FSIP1: variants seen among roughly 807,000 people sequenced by gnomAD.
FSIP1 encodes the protein fibrous sheath-interacting protein 1.
Under a neutral mutation model 60.9 loss-of-function variants are expected in FSIP1, and 65 were observed. That is an observed-to-expected ratio of 1.07 (90% CI 0.87 to 1.31). FSIP1 has a LOEUF of 1.31. Ranked by LOEUF, FSIP1 falls within the 40% of genes most tolerant of loss-of-function variation. The probability of loss-of-function intolerance (pLI) is 0.00; values close to 1 mark genes in which losing one functional copy is unlikely to be tolerated. For synonymous variants in FSIP1, 209 were observed against 221.2 expected, an observed-to-expected ratio of 0.94 and a Z score of 0.49; for missense variants, 675 against 665.5, an observed-to-expected ratio of 1.01 and a Z score of -0.16.
intron 10 of FSIP1, among the ~76,000 whole-genome samples, chr15:39,680,562 T>A (rs1399775828): frequency 6.6e-6 from 1 of 152,194 alleles, no homozygotes; most frequent in Admixed American, 6.5e-5. Flanking sequence ...TAGAATCTGA[T>A]TGAAATGGTC....
At chr15:39,692,041 T>C (rs1268273882) in intron 10 of FSIP1, among the ~76,000 whole-genome samples, 6 of 143,476 alleles carry the variant, frequency 4.2e-5, no homozygotes, top group African/African-American at 1.2e-4. Flanking sequence ...TGCAAAAGGA[T>C]TATTTTCTAC....
At chr15:39,763,171 A>G (rs1897564488) in intron 5 of FSIP1, among the ~76,000 whole-genome samples, 1 of 152,186 alleles carries the variant, frequency 6.6e-6, no homozygotes, top group Non-Finnish European at 1.5e-5. Context: ...GAAACAGAAG[A>G]TGCAAAAAGT....
intron 10 of FSIP1, among the ~76,000 whole-genome samples, chr15:39,647,632 C>A (rs1278475633): frequency 2.6e-5 from 4 of 151,996 alleles, no homozygotes; most frequent in Non-Finnish European, 2.9e-5. Context: ...TGTTTTCTAA[C>A]AGTCTCAGGA....
intron 2 of FSIP1, among the ~76,000 whole-genome samples, chr15:39,776,167 A>G (rs55762421): frequency 1.2e-4 from 9 of 72,534 alleles, no homozygotes; most frequent in Admixed American, 2.1e-4. Context: ...GGGGAGGAGC[A>G]GAGGGAGGGG....
At position 39,769,109 on chromosome 15, in the gene FSIP1, C is replaced by A. The variant is rs371612144; in HGVS notation, c.310+1318G>T. Among the ~76,000 whole-genome samples, 1,187 of 152,078 alleles carry A rather than the reference C, an allele frequency of 7.8e-3. 15 individuals carry two copies. The highest frequency in any genetic ancestry group is 0.027 in the African/African-American group (1,141 of 41,496). On this transcript the variant is annotated intron_variant, in intron 3 of 11. Coordinates refer to ENST00000350221, the MANE Select transcript of FSIP1 (RefSeq NM_152597.5). ...CCTGGCTAACACGGTGAAACCCCGT[C>A]TCTACTAAAAATACAAAAAATTAGC...
Position 39,768,337 on chromosome 15 carries a change from C to T in FSIP1, c.310+2090G>A, listed in dbSNP as rs112302305. On this transcript the variant is annotated intron_variant, in intron 3 of 11. Transcript: ENST00000350221. Reference sequence around the variant, plus strand: ...CAAACTTTTTCTCAGCTCCCCTTTACGGCCTTAAAAATAGTTTAACTTTTC... The same window carrying T: ...CAAACTTTTTCTCAGCTCCCCTTTATGGCCTTAAAAATAGTTTAACTTTTC... Among the ~76,000 whole-genome samples the T allele has an allele frequency of 8.0e-3, 1,212 of 152,282 alleles. 14 individuals are homozygous for T. Among genetic ancestry groups the T allele is most frequent in the African/African-American group, 0.027 (1,133 of 41,552 alleles).
At chr15:39,703,386 A>T (rs1351738489) in intron 10 of FSIP1, among the ~76,000 whole-genome samples, 1 of 150,490 alleles carries the variant, frequency 6.6e-6, no homozygotes. Flanking sequence ...TTATCATAAC[A>T]CATGTGAAAA....
In FSIP1 at chr15:39,689,706, T is replaced by A. The variant is rs143474722; in HGVS notation, c.1188+23738A>T. On this transcript the variant is annotated intron_variant, in intron 10 of 11. Transcript: ENST00000350221. ...GACTAAATATGTATTTCTTATTATATCACAATATCACACATACTTAATCAA... is the reference window on the plus strand; with the variant it reads ...GACTAAATATGTATTTCTTATTATAACACAATATCACACATACTTAATCAA... Among the ~76,000 whole-genome samples the A allele has an allele frequency of 9.8e-5, 15 of 152,314 alleles. No individual in the cohort carries two copies. The East Asian group carries it at 2.9e-3, about 29-fold the overall frequency.
At position 39,625,406 on chromosome 15, in the gene FSIP1, C is replaced by T. The variant is rs554838560; in HGVS notation, c.1189-7161G>A. ...AAAAAGGGCTAGAAACATGGCTTGCCGGGGACATAAGCAGAAAAGTGTGGA... is the reference window on the plus strand; with the variant it reads ...AAAAAGGGCTAGAAACATGGCTTGCTGGGGACATAAGCAGAAAAGTGTGGA... On this transcript the variant is annotated intron_variant, in intron 10 of 11. Coordinates refer to ENST00000350221, the MANE Select transcript of FSIP1 (RefSeq NM_152597.5). 6.6e-4 allele frequency among the ~76,000 whole-genome samples: 101 copies of T among 152,190 alleles called. 3 individuals are homozygous for T. In the South Asian group the frequency reaches 0.019, roughly 29 times the overall value.
intron 5 of FSIP1, among the ~76,000 whole-genome samples, chr15:39,755,451 G>C (rs1262331947): frequency 1.3e-5 from 2 of 152,116 alleles, no homozygotes; most frequent in Non-Finnish European, 1.5e-5. Flanking sequence ...GACAGTGAAG[G>C]TCTTGCAGAA....
At position 39,632,588 on chromosome 15, in the gene FSIP1, A is replaced by T. The variant is rs577000750; in HGVS notation, c.1189-14343T>A. On this transcript the variant is annotated intron_variant, in intron 10 of 11. Transcript: ENST00000350221. ...GGAGGGTGGATCACGAGGTCAGGAG[A>T]TCGAGACCATCCTGGTCAACATGGT... is the stretch of plus-strand genomic sequence containing the variant. 8.5e-4 allele frequency among the ~76,000 whole-genome samples: 130 copies of T among 152,250 alleles called. 1 individual carries two copies. Among genetic ancestry groups the T allele is most frequent in the African/African-American group, 2.9e-3 (119 of 41,560 alleles).
At chr15:39,740,014 T>C (rs1375094065) in intron 6 of FSIP1, among the ~76,000 whole-genome samples, 1 of 152,240 alleles carries the variant, frequency 6.6e-6, no homozygotes, top group Admixed American at 6.5e-5. Flanking sequence ...TCTTGTGTAA[T>C]TCATTATCAT....
intron 10 of FSIP1, among the ~76,000 whole-genome samples, chr15:39,659,507 A>G (rs1893206032): frequency 6.7e-6 from 1 of 150,308 alleles, no homozygotes; most frequent in African/African-American, 2.5e-5. Context: ...GTGCCACTGC[A>G]CTCCAGCCTG....
intron 10 of FSIP1, among the ~76,000 whole-genome samples, chr15:39,674,575 GA>G (rs201344034): frequency 0.034 from 4,934 of 144,850 alleles, 262 homozygotes; most frequent in African/African-American, 0.12. Flanking sequence ...AGAGGGCCCA[GA>G]AAAAAAAAAA....
intron 2 of FSIP1, among the ~76,000 whole-genome samples, chr15:39,771,759 G>A (rs1897896002): frequency 6.6e-6 from 1 of 152,190 alleles, no homozygotes; most frequent in Admixed American, 6.5e-5. Flanking sequence ...TCTACTTTAT[G>A]TAATCCAGGA....
chr15:39,669,544 A>T (rs34253013), intron 10 of FSIP1, among the ~76,000 whole-genome samples: 5,325 of 152,324 alleles, frequency 0.035, 129 homozygotes, highest in Middle Eastern at 0.082. Flanking sequence ...TGTTCTATTA[A>T]TTAACAGAAA....
chr15:39,610,605 G>A (rs1006135946), intron 11 of FSIP1, among the ~76,000 whole-genome samples: 66 of 152,334 alleles, frequency 4.3e-4, no homozygotes, highest in African/African-American at 1.5e-3. Flanking sequence ...GGCAGAGGCT[G>A]CAGTGAGCCA....
chr15:39,669,094 T>C (rs1383560403), intron 10 of FSIP1, among the ~76,000 whole-genome samples: 1 of 151,766 alleles, frequency 6.6e-6, no homozygotes, highest in Non-Finnish European at 1.5e-5. Flanking sequence ...AGCTGTGGAG[T>C]GGGTGGTCAG....
intron 6 of FSIP1, 123 bp downstream of exon 6, chr15:39,741,682 A>T: frequency 1.8e-6 from 1 of 564,442 alleles, no homozygotes; most frequent in East Asian, 2.9e-5. Flanking sequence ...GTCATCTTGA[A>T]CTCTACTTGC....
Sources: gnomAD v4.1 joint callset for allele counts (sites outside exome capture counted in the v4.1 genomes callset) on GRCh38, gnomAD v4.1.1 for gene constraint, MANE v1.5 for transcripts, NCBI Gene and HGNC (gene_info 2026-07-23, HGNC 2026-07-21) for gene names.